The following BCL2 variants were observed in gnomAD, a reference collection of about 807,000 sequenced individuals.
The protein encoded by BCL2 is apoptosis regulator Bcl-2.
In BCL2, 1 loss-of-function variant was observed where a neutral mutation model predicts 14.2. The ratio of observed to expected loss-of-function variants is 0.07; its 90% CI spans 0.02 to 0.33. The LOEUF (loss-of-function observed/expected upper bound fraction) is 0.33. Ranked by LOEUF, BCL2 falls within the 10% of genes least tolerant of loss-of-function variation. The pLI is 0.99. For synonymous variants in BCL2, 151 were observed against 137.2 expected, an observed-to-expected ratio of 1.10 and a Z score of -0.70; for missense variants, 247 against 305.9, an observed-to-expected ratio of 0.81 and a Z score of 1.44.
At chr18:63,192,330 G>T (rs1909311219) in intron 2 of BCL2, among the ~76,000 whole-genome samples, 1 of 152,202 alleles carries the variant, frequency 6.6e-6, no homozygotes, top group Non-Finnish European at 1.5e-5. Context: ...TGGAGGATCA[G>T]GAAGTCAGTT....
intron 2 of BCL2, among the ~76,000 whole-genome samples, chr18:63,209,604 G>A (rs998443020): frequency 1.3e-5 from 2 of 152,172 alleles, no homozygotes; most frequent in Non-Finnish European, 2.9e-5. Flanking sequence ...AAATGGTGGG[G>A]GATTCTCCAA....
chr18:63,236,902 C>G (rs929422801), intron 2 of BCL2, among the ~76,000 whole-genome samples: 1 of 152,192 alleles, frequency 6.6e-6, no homozygotes, highest in African/African-American at 2.4e-5. Flanking sequence ...ACTACCATCT[C>G]GAGGCCAGTG....
chr18:63,266,483 T>C (rs1218249716), intron 2 of BCL2, among the ~76,000 whole-genome samples: 1 of 151,786 alleles, frequency 6.6e-6, no homozygotes, highest in Non-Finnish European at 1.5e-5. Flanking sequence ...CTGTATACAC[T>C]TTGTATTTTT....
At chr18:63,299,327 A>G (rs540785417) in intron 2 of BCL2, among the ~76,000 whole-genome samples, 6 of 152,344 alleles carry the variant, frequency 3.9e-5, no homozygotes, top group African/African-American at 1.2e-4. Context: ...GCGATGATCA[A>G]CTGTGCACAA....
intron 2 of BCL2, among the ~76,000 whole-genome samples, chr18:63,233,700 C>CG (rs749959358): frequency 5.9e-5 from 9 of 152,098 alleles, no homozygotes; most frequent in Non-Finnish European, 1.3e-4. Context: ...TAACAGGCCA[C>CG]GGACCTGTAC....
intron 2 of BCL2, among the ~76,000 whole-genome samples, chr18:63,146,930 A>G (rs1241105343): frequency 6.6e-6 from 1 of 152,264 alleles, no homozygotes. Flanking sequence ...TGCGAAAAAA[A>G]TAATTTCACT....
At chr18:63,159,291 G>A (rs191371923) in intron 2 of BCL2, among the ~76,000 whole-genome samples, 2 of 152,148 alleles carry the variant, frequency 1.3e-5, no homozygotes, top group African/African-American at 4.8e-5. Flanking sequence ...TTGAAAAGGG[G>A]GAAAAAGAGA....
At chr18:63,174,611 G>C (rs1300835414) in intron 2 of BCL2, among the ~76,000 whole-genome samples, 8 of 152,064 alleles carry the variant, frequency 5.3e-5, no homozygotes, top group Non-Finnish European at 1.0e-4. Flanking sequence ...CCTGAGGTCA[G>C]GAGTTCGAGA....
At position 63,318,698 on chromosome 18, in the gene BCL2, G is replaced by C; in HGVS notation, c.-32C>G. 4 of 1,611,744 alleles carry C rather than the reference G, an allele frequency of 2.5e-6. No homozygotes were observed. The highest frequency in any genetic ancestry group is 2.2e-5 in the East Asian group (1 of 44,646). On this transcript the variant is annotated 5_prime_UTR_variant, in exon 2 of 3. Transcript: ENST00000333681. The surrounding 1 kb of genome is among the most constrained non-coding windows in gnomAD (Gnocchi z 7.4). ...CAGAGGAAAAGCAACGGGGGCCAAC[G>C]GCACCTCTCGCCCCAGCTCCCACCC...
In BCL2 at chr18:63,318,683, G is replaced by C. The variant is rs1376591944; in HGVS notation, c.-17C>G. On this transcript the variant is annotated 5_prime_UTR_variant, in exon 2 of 3. Transcript: ENST00000333681. The surrounding 1 kb of genome is among the most constrained non-coding windows in gnomAD (Gnocchi z 7.4). ...GTGCGCCATCCTTCCCAGAGGAAAA[G>C]CAACGGGGGCCAACGGCACCTCTCG... is the stretch of plus-strand genomic sequence containing the variant. 6.2e-7 allele frequency: 1 copy of C among 1,612,174 alleles called. No individual in the cohort carries two copies. The highest frequency in any genetic ancestry group is 8.5e-7 in the Non-Finnish European group (1 of 1,179,002).
At chr18:63,199,096 GCA>G (rs1037083498) in intron 2 of BCL2, among the ~76,000 whole-genome samples, 3 of 140,278 alleles carry the variant, frequency 2.1e-5, no homozygotes, top group African/African-American at 5.4e-5. Flanking sequence ...ACACACAAAT[GCA>G]CACACACAAC....
chr18:63,220,857 T>C (rs1910373191), intron 2 of BCL2, among the ~76,000 whole-genome samples: 1 of 148,306 alleles, frequency 6.7e-6, no homozygotes, highest in African/African-American at 2.5e-5. Context: ...AAAATAAAGG[T>C]AGAAAAACAA....
At chr18:63,283,050 A>C (rs1276224706) in intron 2 of BCL2, among the ~76,000 whole-genome samples, 1 of 152,216 alleles carries the variant, frequency 6.6e-6, no homozygotes, top group Non-Finnish European at 1.5e-5. Context: ...TCTGAGAAGT[A>C]CTTCTATTGA....
chr18:63,151,487 T>TG (rs1040623373), intron 2 of BCL2, among the ~76,000 whole-genome samples: 8 of 53,900 alleles, frequency 1.5e-4, no homozygotes, highest in South Asian at 1.5e-3. Context: ...CGATAATAGA[T>TG]GGGGGGCGAT....
intron 2 of BCL2, among the ~76,000 whole-genome samples, chr18:63,222,987 A>C (rs191076369): frequency 6.4e-4 from 98 of 152,346 alleles, no homozygotes; most frequent in African/African-American, 2.1e-3. Context: ...CAGACAAAGG[A>C]AGCTGAATCC....
At chr18:63,251,706 C>CTT (rs551895042) in intron 2 of BCL2, among the ~76,000 whole-genome samples, 11 of 140,428 alleles carry the variant, frequency 7.8e-5, no homozygotes, top group East Asian at 6.3e-4. Context: ...GTTTTTTTTT[C>CTT]TTTTTTTTTT....
chr18:63,137,305 A>G (rs1404185454), intron 2 of BCL2, among the ~76,000 whole-genome samples: 1 of 152,206 alleles, frequency 6.6e-6, no homozygotes, highest in Admixed American at 6.5e-5. Context: ...TACGAAGATC[A>G]TCTGTTTACA....
rs1017210656 is a variant in BCL2 at position 63,215,129 on chromosome 18, T to G, written c.586-86370A>C. Among the ~76,000 whole-genome samples, 9 of 152,208 alleles carry G rather than the reference T, an allele frequency of 5.9e-5. No homozygotes were observed. In the South Asian group the frequency reaches 8.3e-4, roughly 14 times the overall value. On this transcript the variant is annotated intron_variant, in intron 2 of 2. Transcript: ENST00000333681. ...GTGATGGTCATATTATTGCCCCATA[T>G]TTGTCTTGATGTTTTGGATTTCAAA...
intron 2 of BCL2, among the ~76,000 whole-genome samples, chr18:63,129,258 C>A (rs909464630): frequency 9.9e-5 from 15 of 151,118 alleles, no homozygotes; most frequent in African/African-American, 3.4e-4. Flanking sequence ...GTCTGACATG[C>A]ATTATTTTAG....
Sources: allele counts gnomAD v4.1 joint callset (sites outside exome capture counted in the v4.1 genomes callset), GRCh38; gene constraint gnomAD v4.1.1; non-coding constraint Gnocchi (gnomAD v3.1); transcripts MANE v1.5; gene names NCBI Gene and HGNC (gene_info 2026-07-23, HGNC 2026-07-21).